Variants in RAB21 observed in about 807,000 individuals in gnomAD.
RAB21 encodes the protein RAB21, member RAS oncogene family, also known as ras-related protein Rab-21.
In RAB21, 13 loss-of-function variants were observed where a neutral mutation model predicts 33.1. That is an observed-to-expected ratio of 0.39 (90% CI 0.26 to 0.62). The LOEUF (loss-of-function observed/expected upper bound fraction) is 0.62. RAB21 is among the 20% of genes least tolerant of loss of function. The pLI is 0.48. For missense variants in RAB21, 234 were observed against 279.1 expected (o/e 0.84, Z 1.15); for synonymous variants, 91 against 103.7 (o/e 0.88, Z 0.74).
At chr12:71,770,775 C>A in intron 3 of RAB21, 76 bp downstream of exon 3, 1 of 906,132 alleles carries the variant, frequency 1.1e-6, no homozygotes. Flanking sequence ...CCTTTATTCA[C>A]TAATGTGATT....
intron 3 of RAB21, among the ~76,000 whole-genome samples, chr12:71,770,916 A>T (rs968879080): frequency 5.3e-5 from 8 of 152,204 alleles, no homozygotes; most frequent in Admixed American, 2.6e-4. Context: ...ATATGAATTA[A>T]TTTACGTTAG....
intron 4 of RAB21, among the ~76,000 whole-genome samples, chr12:71,779,553 A>G (rs929588605): frequency 2.0e-5 from 3 of 152,196 alleles, no homozygotes; most frequent in Non-Finnish European, 4.4e-5. Flanking sequence ...GCTTCTTTCC[A>G]CTGTGCCCCA....
chr12:71,763,761 G>A (rs1214741005), intron 1 of RAB21, among the ~76,000 whole-genome samples: 1 of 152,144 alleles, frequency 6.6e-6, no homozygotes, highest in African/African-American at 2.4e-5. Context: ...TGCCTACCCT[G>A]AGAATATTTG....
intron 4 of RAB21, among the ~76,000 whole-genome samples, chr12:71,774,538 C>A (rs1466465458): frequency 1.3e-5 from 2 of 151,912 alleles, no homozygotes; most frequent in East Asian, 3.9e-4. Context: ...GCAGGTAGAT[C>A]ATCTGAGGTC....
rs542889865 is a variant in RAB21 at position 71,795,940 on chromosome 12, T to G, written c.*10267T>G. On this transcript the variant is annotated 3_prime_UTR_variant, in exon 7 of 7. Coordinates refer to ENST00000261263, the MANE Select transcript of RAB21 (RefSeq NM_014999.4). ...CTAGAAATTGCATGTGCCAGTTACT[T>G]AATTTAATACATCTAATGGGAGATT... 6 of 138,080 alleles carry G rather than the reference T, an allele frequency of 4.3e-5. 1 individual carries two copies. The highest frequency in any genetic ancestry group is 2.2e-4 in the Admixed American group (3 of 13,440). 8.6% of individuals were successfully genotyped at this position (138,080 alleles called of 1,614,324 possible).
chr12:71,762,801 C>T (rs573884191), intron 1 of RAB21, among the ~76,000 whole-genome samples: 95 of 151,998 alleles, frequency 6.3e-4, no homozygotes, highest in Non-Finnish European at 1.0e-3. Flanking sequence ...AGGCTGGTCC[C>T]GAACTCCTGA....
rs1322301685 is a variant in RAB21, at chr12:71,793,162, G to A, written c.*7489G>A. 6.6e-6 allele frequency: 1 copy of A among 152,088 alleles called. No individual in the cohort carries two copies. The highest frequency in any genetic ancestry group is 1.5e-5 in the Non-Finnish European group (1 of 68,006). The allele number at this position is 152,088 out of a possible 1,614,324, so 9.4% of individuals were successfully genotyped here. The stretch of plus-strand genomic sequence containing the variant: ...AGCCATTTTTGTTTGGTTTGGTTTG[G>A]TTTTGCGGTGATTTTTTTTAACCTA... On this transcript the variant is annotated 3_prime_UTR_variant, in exon 7 of 7. Coordinates refer to ENST00000261263, the MANE Select transcript of RAB21 (RefSeq NM_014999.4).
In RAB21 at chr12:71,755,381, C is replaced by T. The variant is rs565288173; in HGVS notation, c.159+93C>T. On this transcript the variant is annotated intron_variant, in intron 1 of 6. Transcript: ENST00000261263. ...GCCGCCCTGGTCCCCTGGATGTAGG[C>T]TGGCAAATCTCAGGCCTGTCATCTC... The T allele has an allele frequency of 5.5e-5, 74 of 1,352,214 alleles. No homozygotes were observed. In the South Asian group the frequency reaches 1.0e-3, roughly 18 times the overall value. The allele number at this position is 1,352,214 out of a possible 1,614,324, so 83.8% of individuals were successfully genotyped here.
rs1039395141 is a variant in RAB21, at chr12:71,790,936, G to C, written c.*5263G>C. 1 of 151,208 alleles carries C rather than the reference G, an allele frequency of 6.6e-6. No homozygotes were observed. The highest frequency in any genetic ancestry group is 6.6e-5 in the Admixed American group (1 of 15,150). 9.4% of individuals were successfully genotyped at this position (151,208 alleles called of 1,614,324 possible). ...CCTCTGACTCCATGAAACCTGAAAA[G>C]GAATCTGGTCTGTTAGGTGGATTTC... is the stretch of plus-strand genomic sequence containing the variant. On this transcript the variant is annotated 3_prime_UTR_variant, in exon 7 of 7. Transcript: ENST00000261263.
intron 4 of RAB21, among the ~76,000 whole-genome samples, chr12:71,780,783 G>A (rs1348834587): frequency 6.6e-6 from 1 of 152,114 alleles, no homozygotes; most frequent in Non-Finnish European, 1.5e-5. Context: ...TTATTTCAAT[G>A]CCTTATCTGA....
At chr12:71,775,729 G>T (rs1284794027) in intron 4 of RAB21, among the ~76,000 whole-genome samples, 1 of 151,970 alleles carries the variant, frequency 6.6e-6, no homozygotes. Context: ...TAGAGACAGG[G>T]TTTCACCATA....
Position 71,769,702 on chromosome 12 carries a change from A to G in RAB21, c.160-98A>G, listed in dbSNP as rs1368200212. 3 of 537,634 alleles carry G rather than the reference A, an allele frequency of 5.6e-6. No individual in the cohort carries two copies. In the Admixed American group the frequency reaches 1.0e-4, roughly 19 times the overall value. The allele number at this position is 537,634 out of a possible 1,614,324, so 33.3% of individuals were successfully genotyped here. Reference sequence around the variant, plus strand: ...ACTCGGTGATTACTTTTTCTCCCAGATAACTTTTACATTGAGATGATTCAT... The same window carrying G: ...ACTCGGTGATTACTTTTTCTCCCAGGTAACTTTTACATTGAGATGATTCAT... On this transcript the variant is annotated intron_variant, in intron 1 of 6. Coordinates refer to ENST00000261263, the MANE Select transcript of RAB21 (RefSeq NM_014999.4).
intron 5 of RAB21, chr12:71,782,350 A>C (rs1883214079): frequency 1.9e-6 from 1 of 522,506 alleles, no homozygotes; most frequent in Non-Finnish European, 3.4e-6. Flanking sequence ...CTTTTGAAGT[A>C]TTTGAGTCCC....
chr12:71,783,862 C>G, intron 6 of RAB21, among the ~76,000 whole-genome samples: 1 of 152,224 alleles, frequency 6.6e-6, no homozygotes, highest in East Asian at 1.9e-4. Context: ...CCCTCCCTCC[C>G]TCCCTTCCTT....
chr12:71,781,988 A>G, intron 4 of RAB21, 43 bp from the exon 5 acceptor site: 2 of 1,441,068 alleles, frequency 1.4e-6, no homozygotes, highest in Non-Finnish European at 1.9e-6. Flanking sequence ...TTGTTATGAA[A>G]ATAAATCAGT....
chr12:71,759,259 T>C (rs1882834887), intron 1 of RAB21, among the ~76,000 whole-genome samples: 1 of 152,254 alleles, frequency 6.6e-6, no homozygotes, highest in African/African-American at 2.4e-5. Flanking sequence ...GTCCTGGACA[T>C]GGCAAAGAAT....
At chr12:71,756,111 G>A (rs1319902870) in intron 1 of RAB21, among the ~76,000 whole-genome samples, 1 of 152,194 alleles carries the variant, frequency 6.6e-6, no homozygotes, top group Admixed American at 6.5e-5. Flanking sequence ...GTTATTAGGA[G>A]AAATTTATCC....
chr12:71,785,541 A>C lies in RAB21; in HGVS notation c.546A>C (p.Glu182Asp). ...LFLDLCKRMI[E>D]TAQVDERAKG... ...TTCTCTCTGTCTTAGGGATGATAGA[A>C]ACAGCACAAGTGGATGAGAGAGCAA... The change falls in exon 7 of 7, where the codon GAA (glutamate) becomes GAC (aspartate). Residue 182 changes from glutamate to aspartate, a missense_variant. Glu to Asp is a conservative substitution (Grantham distance 45). Transcript: ENST00000261263. The C allele has an allele frequency of 1.2e-6, 2 of 1,614,076 alleles. No individual in the cohort carries two copies. Among genetic ancestry groups the C allele is most frequent in the Non-Finnish European group, 1.7e-6 (2 of 1,179,934 alleles).
At chr12:71,761,523 C>A (rs1159385047) in intron 1 of RAB21, among the ~76,000 whole-genome samples, 2 of 151,872 alleles carry the variant, frequency 1.3e-5, no homozygotes, top group African/African-American at 2.4e-5. Flanking sequence ...TACAAAAATA[C>A]AAAAATGAGC....
Sources: allele counts gnomAD v4.1 joint callset (sites outside exome capture counted in the v4.1 genomes callset), GRCh38; gene constraint gnomAD v4.1.1; transcripts MANE v1.5; gene names NCBI Gene and HGNC (gene_info 2026-07-23, HGNC 2026-07-21).